The following CPXM2 variants were observed in gnomAD, a reference collection of about 807,000 sequenced individuals.
The protein encoded by CPXM2 is carboxypeptidase X, M14 family member 2, also known as inactive carboxypeptidase-like protein X2.
Under a neutral mutation model 86.1 loss-of-function variants are expected in CPXM2, and 66 were observed. The observed-to-expected ratio is 0.77, with a 90% CI of 0.63 to 0.94. The LOEUF (loss-of-function observed/expected upper bound fraction) is 0.94. Ranked by LOEUF, CPXM2 falls within the 40% of genes least tolerant of loss-of-function variation. CPXM2 has a pLI of 0.00. For synonymous variants in CPXM2, 388 were observed against 400.2 expected (o/e 0.97, Z 0.36); for missense variants, 948 against 1,026.3 (o/e 0.92, Z 1.04).
At chr10:123,872,781 C>T (rs375321480) in intron 2 of CPXM2, among the ~76,000 whole-genome samples, 15 of 152,144 alleles carry the variant, frequency 9.9e-5, no homozygotes, top group African/African-American at 3.1e-4. Context: ...ACCAAAAGAA[C>T]GTTAAAGGAG....
At chr10:123,940,150 C>G (rs1945761046) in exon 1 of CPXM2, 1 of 152,330 alleles carries the variant, frequency 6.6e-6, no homozygotes, top group South Asian at 2.1e-4. Flanking sequence ...CCAGCTCACC[C>G]TGGGAGGCCT....
upstream of CPXM2, among the ~76,000 whole-genome samples, chr10:123,943,050 G>A (rs1011617976): frequency 6.6e-6 from 1 of 152,216 alleles, no homozygotes; most frequent in Non-Finnish European, 1.5e-5. Context: ...GGCCATACCA[G>A]TAGACTATAC....
At chr10:123,841,931 T>C (rs1191108806) in intron 4 of CPXM2, among the ~76,000 whole-genome samples, 1 of 152,232 alleles carries the variant, frequency 6.6e-6, no homozygotes, top group African/African-American at 2.4e-5. Context: ...AGATTTCCAG[T>C]CCTTCTTTCC....
At chr10:123,811,002 C>T (rs909244590) in intron 4 of CPXM2, among the ~76,000 whole-genome samples, 5 of 151,830 alleles carry the variant, frequency 3.3e-5, no homozygotes, top group African/African-American at 1.2e-4. Flanking sequence ...ATATATAAAA[C>T]CTGAAAGAGA....
intron 4 of CPXM2, among the ~76,000 whole-genome samples, chr10:123,804,918 G>T (rs1847546590): frequency 6.6e-6 from 1 of 151,976 alleles, no homozygotes; most frequent in Admixed American, 6.6e-5. Context: ...GTTTGATGCT[G>T]CTGGCACTTA....
rs750831501 is a variant in CPXM2, at chr10:123,891,356, C to G, written c.304G>C (p.Gly102Arg). ...CTGCCCAGCGCAGAAAGTTCCTTAC[C>G]TGGTGGAGGCGGCTCCGGAGCCGAC... ...EKSAPEPPPP[G>R]KHSNKKVMRT... Residue 102 changes from glycine (G) to arginine (R), a missense_variant and splice_region_variant, in exon 1 of 14, where the codon GGT (glycine) becomes CGT (arginine). Gly to Arg is a moderately radical substitution (Grantham distance 125). Transcript: ENST00000241305. The surrounding 1 kb of genome is among the most constrained non-coding windows in gnomAD (Gnocchi z 5.6). The G allele has an allele frequency of 2.3e-5, 35 of 1,535,806 alleles. No individual in the cohort carries two copies. In the South Asian group the frequency reaches 4.1e-4, roughly 18 times the overall value.
intron 2 of CPXM2, among the ~76,000 whole-genome samples, chr10:123,916,982 T>G (rs1945538718): frequency 6.7e-6 from 1 of 148,838 alleles, no homozygotes; most frequent in Admixed American, 6.7e-5. Flanking sequence ...CTGGAGGGGG[T>G]GAGTAGGGAG....
At chr10:123,854,906 A>G (rs1268980715) in intron 3 of CPXM2, among the ~76,000 whole-genome samples, 3 of 152,120 alleles carry the variant, frequency 2.0e-5, no homozygotes, top group Non-Finnish European at 4.4e-5. Context: ...TCTATATCTG[A>G]ACCAGATAAT....
chr10:123,880,154 A>AC, intron 2 of CPXM2, 57 bp downstream of exon 2: 3 of 224,166 alleles, frequency 1.3e-5, no homozygotes, highest in Non-Finnish European at 2.7e-5. Flanking sequence ...GTACCCACCC[A>AC]CCCTCCCTGA....
chr10:123,860,767 T>C (rs1324487518), intron 3 of CPXM2, among the ~76,000 whole-genome samples: 1 of 134,226 alleles, frequency 7.5e-6, no homozygotes, highest in African/African-American at 3.0e-5. Flanking sequence ...GCTCAAGCTT[T>C]GCGGGCTCAT....
intron 4 of CPXM2, among the ~76,000 whole-genome samples, chr10:123,831,672 T>C (rs11248294): frequency 0.18 from 27,811 of 151,832 alleles, 3,399 homozygotes; most frequent in East Asian, 0.4. Context: ...TGCCTTGTTG[T>C]AGGTCTCCTC....
chr10:123,931,976 G>C (rs1203146313), intron 2 of CPXM2, among the ~76,000 whole-genome samples: 3 of 152,206 alleles, frequency 2.0e-5, no homozygotes, highest in Non-Finnish European at 2.9e-5. Context: ...AAAGAAGAAA[G>C]TCAGGTCTTA....
intron 2 of CPXM2, among the ~76,000 whole-genome samples, chr10:123,910,337 TTTG>T (rs1391806639): frequency 3.3e-5 from 5 of 152,242 alleles, no homozygotes; most frequent in South Asian, 2.1e-4. Context: ...GGTAGGATTC[TTTG>T]TCAAATCAAT....
At chr10:123,766,544 C>T (rs1417072050) in intron 10 of CPXM2, among the ~76,000 whole-genome samples, 1 of 152,126 alleles carries the variant, frequency 6.6e-6, no homozygotes, top group East Asian at 1.9e-4. Context: ...AAATATTTCT[C>T]ATCTAATTTC....
intron 2 of CPXM2, among the ~76,000 whole-genome samples, chr10:123,923,529 C>A (rs940298529): frequency 1.3e-5 from 2 of 150,174 alleles, no homozygotes; most frequent in Non-Finnish European, 3.0e-5. Context: ...TGCAGTGAGC[C>A]GAGATCGCGC....
At chr10:123,863,472 A>G (rs147777829) in intron 2 of CPXM2, among the ~76,000 whole-genome samples, 3 of 152,230 alleles carry the variant, frequency 2.0e-5, no homozygotes, top group Non-Finnish European at 2.9e-5. Context: ...CTGACCTCAC[A>G]GAGAAAAACT....
chr10:123,799,974 C>G (rs1261832859), intron 4 of CPXM2, among the ~76,000 whole-genome samples: 3 of 151,346 alleles, frequency 2.0e-5, no homozygotes, highest in African/African-American at 7.3e-5. Flanking sequence ...TGAGTACACC[C>G]CCTCTTTTAA....
chr10:123,812,568 C>T (rs1385407384), intron 4 of CPXM2, among the ~76,000 whole-genome samples: 1 of 152,166 alleles, frequency 6.6e-6, no homozygotes, highest in Non-Finnish European at 1.5e-5. Flanking sequence ...GCCCCGGGGT[C>T]CCCAACCCCT....
intron 4 of CPXM2, among the ~76,000 whole-genome samples, chr10:123,818,996 A>G (rs569895842): frequency 4.3e-4 from 66 of 152,136 alleles, no homozygotes; most frequent in Non-Finnish European, 8.2e-4. Context: ...GCTGGCCTAG[A>G]GGTCTTAGCT....
Sources: allele counts gnomAD v4.1 joint callset (sites outside exome capture counted in the v4.1 genomes callset), GRCh38; gene constraint gnomAD v4.1.1; non-coding constraint Gnocchi (gnomAD v3.1); transcripts MANE v1.5; gene names NCBI Gene and HGNC (gene_info 2026-07-23, HGNC 2026-07-21).